The following SGCZ variants were observed in gnomAD, a reference collection of about 807,000 sequenced individuals.
The protein encoded by SGCZ is sarcoglycan zeta.
Under a neutral mutation model 41.3 loss-of-function variants are expected in SGCZ, and 40 were observed. That is an observed-to-expected ratio of 0.97 (90% CI 0.75 to 1.26). The LOEUF is 1.26. Among genes scored for constraint, SGCZ ranks in the 50% most tolerant of loss-of-function variants. The pLI, the probability that SGCZ is intolerant of heterozygous loss-of-function variation, is 0.00. For synonymous variants in SGCZ, 206 were observed against 137.5 expected, an observed-to-expected ratio of 1.50 and a Z score of -3.49; for missense variants, 552 against 369.8, an observed-to-expected ratio of 1.49 and a Z score of -4.04.
chr8:14,224,781 T>C (rs562781662), intron 4 of SGCZ, among the ~76,000 whole-genome samples: 57 of 152,266 alleles, frequency 3.7e-4, no homozygotes, highest in Admixed American at 1.0e-3. Context: ...ATCATTAAAT[T>C]ACTTGTAACA....
chr8:14,670,032 C>A (rs1585169303), intron 1 of SGCZ, among the ~76,000 whole-genome samples: 1 of 152,138 alleles, frequency 6.6e-6, no homozygotes, highest in Non-Finnish European at 1.5e-5. Flanking sequence ...AAGTTTATAT[C>A]TTTTTCAGCT....
intron 1 of SGCZ, among the ~76,000 whole-genome samples, chr8:15,176,335 A>G (rs1222295789): frequency 2.0e-5 from 3 of 152,164 alleles, no homozygotes; most frequent in Non-Finnish European, 4.4e-5. Flanking sequence ...TGAACATGTT[A>G]CATGTTATGT....
At chr8:14,432,312 C>A (rs898814542) in intron 2 of SGCZ, among the ~76,000 whole-genome samples, 1 of 152,064 alleles carries the variant, frequency 6.6e-6, no homozygotes, top group Non-Finnish European at 1.5e-5. Context: ...GATAAAGAAA[C>A]TGTGGTACAT....
At chr8:14,347,814 C>T (rs554716900) in intron 2 of SGCZ, among the ~76,000 whole-genome samples, 1 of 152,154 alleles carries the variant, frequency 6.6e-6, no homozygotes, top group African/African-American at 2.4e-5. Context: ...AGGTCTATAA[C>T]TTGAAATAAT....
At chr8:15,005,771 G>A (rs2130918032) in intron 1 of SGCZ, among the ~76,000 whole-genome samples, 1 of 152,094 alleles carries the variant, frequency 6.6e-6, no homozygotes, top group Admixed American at 6.6e-5. Flanking sequence ...ATTATCAAAA[G>A]ACTTAACTAG....
chr8:14,658,814 G>T (rs1020555416), intron 1 of SGCZ, among the ~76,000 whole-genome samples: 2 of 151,756 alleles, frequency 1.3e-5, no homozygotes, highest in Admixed American at 6.6e-5. Context: ...GAATCTAGAA[G>T]AGTATCTAGC....
intron 1 of SGCZ, among the ~76,000 whole-genome samples, chr8:15,172,375 T>C (rs867468523): frequency 1.7e-4 from 25 of 151,396 alleles, no homozygotes; most frequent in Non-Finnish European, 2.7e-4. Context: ...TCAGCCAGGA[T>C]GGTCTCGATC....
At chr8:14,183,200 A>C (rs1033355761) in intron 4 of SGCZ, among the ~76,000 whole-genome samples, 1 of 152,124 alleles carries the variant, frequency 6.6e-6, no homozygotes, top group Non-Finnish European at 1.5e-5. Flanking sequence ...CCTACAAAAT[A>C]TTGCCAAATT....
chr8:15,015,726 CGTGTGTGTGT>C (rs60624490), intron 1 of SGCZ, among the ~76,000 whole-genome samples: 9,581 of 125,116 alleles, frequency 0.077, 336 homozygotes, highest in East Asian at 0.12. Flanking sequence ...GAAATATACA[CGTGTGTGTGT>C]GTGTGTGTGT....
At chr8:15,194,185 T>TCACACACACA (rs34127082) in intron 1 of SGCZ, among the ~76,000 whole-genome samples, 121 of 139,568 alleles carry the variant, frequency 8.7e-4, no homozygotes, top group East Asian at 2.4e-3. Flanking sequence ...CCACCTCTAA[T>TCACACACACA]CACACACACA....
chr8:15,047,281 T>A (rs1804343431), intron 1 of SGCZ, among the ~76,000 whole-genome samples: 1 of 152,072 alleles, frequency 6.6e-6, no homozygotes, highest in Non-Finnish European at 1.5e-5. Flanking sequence ...GATATACTCA[T>A]GTAATTCACA....
At chr8:15,161,889 G>C (rs1799521163) in intron 1 of SGCZ, among the ~76,000 whole-genome samples, 1 of 152,104 alleles carries the variant, frequency 6.6e-6, no homozygotes, top group Non-Finnish European at 1.5e-5. Flanking sequence ...ACAAAAATTA[G>C]CTGGGCGTGG....
intron 5 of SGCZ, among the ~76,000 whole-genome samples, chr8:14,122,599 T>C (rs1482990585): frequency 6.6e-6 from 1 of 152,228 alleles, no homozygotes; most frequent in Non-Finnish European, 1.5e-5. Context: ...AGAACACTAG[T>C]GAATTGAGTA....
rs868662452 is a variant in SGCZ, at chr8:14,499,448, G to A, written c.234+55284C>T. Among the ~76,000 whole-genome samples the A allele has an allele frequency of 5.3e-5, 8 of 150,906 alleles. No homozygotes were observed. The South Asian group carries it at 1.7e-3, about 32-fold the overall frequency. ...TCAATTCTCTGTATTATTTTATTTT[G>A]TAGATTATTTGCAACATATATTGCT... On this transcript the variant is annotated intron_variant, in intron 2 of 7. Coordinates refer to ENST00000382080, the MANE Select transcript of SGCZ (RefSeq NM_139167.4).
rs1324441594 is a variant in SGCZ at position 14,769,058 on chromosome 8, C to T, written c.40-214132G>A. Among the ~76,000 whole-genome samples, 3 of 151,834 alleles carry T rather than the reference C, an allele frequency of 2.0e-5. No homozygotes were observed. In the East Asian group the frequency reaches 5.8e-4, roughly 30 times the overall value. On this transcript the variant is annotated intron_variant, in intron 1 of 7. Coordinates refer to ENST00000382080, the MANE Select transcript of SGCZ (RefSeq NM_139167.4). ...ACACACACAAACACACACCCGTCAT[C>T]TGGTAGGTAGAAAAAAGGCAATAAG...
At chr8:15,228,252 C>G (rs1801838351) in intron 1 of SGCZ, among the ~76,000 whole-genome samples, 1 of 152,168 alleles carries the variant, frequency 6.6e-6, no homozygotes, top group Non-Finnish European at 1.5e-5. Flanking sequence ...GTCCTTGCCA[C>G]AAGCCAAAAA....
chr8:14,892,694 A>T (rs1349396961), intron 1 of SGCZ, among the ~76,000 whole-genome samples: 1 of 152,204 alleles, frequency 6.6e-6, no homozygotes, highest in East Asian at 1.9e-4. Context: ...AGTAAATAAA[A>T]ATTATGATCA....
intron 1 of SGCZ, among the ~76,000 whole-genome samples, chr8:14,974,659 T>C (rs1801406644): frequency 6.6e-6 from 1 of 152,148 alleles, no homozygotes; most frequent in Non-Finnish European, 1.5e-5. Flanking sequence ...TAAACAAATG[T>C]GAGAACCGCT....
chr8:14,308,610 C>T (rs567413629), intron 3 of SGCZ, among the ~76,000 whole-genome samples: 59 of 151,672 alleles, frequency 3.9e-4, no homozygotes, highest in African/African-American at 1.4e-3. Context: ...AACAATGCCA[C>T]GTCTAAAAAA....
Sources: allele counts gnomAD v4.1 joint callset (sites outside exome capture counted in the v4.1 genomes callset), GRCh38; gene constraint gnomAD v4.1.1; transcripts MANE v1.5; gene names NCBI Gene and HGNC (gene_info 2026-07-23, HGNC 2026-07-21).